Variants in ULK4 observed in about 807,000 individuals in gnomAD.
The protein encoded by ULK4 is inactive serine/threonine-protein kinase ULK4.
Under a neutral mutation model 160.6 loss-of-function variants are expected in ULK4, and 133 were observed. The observed-to-expected ratio is 0.83, with a 90% CI of 0.72 to 0.96. The LOEUF is 0.96. Ranked by LOEUF, ULK4 falls within the 40% of genes least tolerant of loss-of-function variation. The pLI is 0.00. For missense variants in ULK4, 1,580 were observed against 1,499.5 expected (o/e 1.05, Z -0.89); for synonymous variants, 534 against 539.8 (o/e 0.99, Z 0.15).
At chr3:41,473,261 A>G (rs2084040271) in intron 32 of ULK4, among the ~76,000 whole-genome samples, 1 of 152,204 alleles carries the variant, frequency 6.6e-6, no homozygotes, top group Non-Finnish European at 1.5e-5. Flanking sequence ...CAAGAGAAAA[A>G]AAGAAAAGGC....
intron 7 of ULK4, among the ~76,000 whole-genome samples, chr3:41,918,141 G>T (rs1397375734): frequency 6.6e-6 from 1 of 152,164 alleles, no homozygotes; most frequent in Non-Finnish European, 1.5e-5. Flanking sequence ...CGACTACAAA[G>T]TAAGTAAATG....
In ULK4 at chr3:41,441,717, A is replaced by G. The variant is rs113977008; in HGVS notation, c.3492+13780T>C. 6.4e-3 allele frequency among the ~76,000 whole-genome samples: 975 copies of G among 152,164 alleles called. 12 individuals carry two copies. The highest frequency in any genetic ancestry group is 0.022 in the African/African-American group (932 of 41,532). On this transcript the variant is annotated intron_variant, in intron 34 of 36. Coordinates refer to ENST00000301831, the MANE Select transcript of ULK4 (RefSeq NM_017886.4). The stretch of plus-strand genomic sequence containing the variant: ...TGGCAATCAGGTAAAGTTAGGTGGT[A>G]GTGTTGCTCAAGGCTACCATTCCCT...
chr3:41,485,178 T>C (rs575472800), intron 32 of ULK4, among the ~76,000 whole-genome samples: 4 of 152,320 alleles, frequency 2.6e-5, no homozygotes, highest in Admixed American at 1.3e-4. Flanking sequence ...TGTGGCTCCA[T>C]GGTCTGTGCT....
intron 35 of ULK4, among the ~76,000 whole-genome samples, chr3:41,279,601 A>G (rs1456514828): frequency 6.6e-6 from 1 of 152,238 alleles, no homozygotes; most frequent in Non-Finnish European, 1.5e-5. Flanking sequence ...TCAGACTAGT[A>G]GCAGATTTCT....
chr3:41,464,811 A>T (rs1389281391), intron 32 of ULK4, among the ~76,000 whole-genome samples: 1 of 152,200 alleles, frequency 6.6e-6, no homozygotes, highest in Non-Finnish European at 1.5e-5. Flanking sequence ...ATGGTTCTTT[A>T]GGAGGCAGAG....
chr3:41,916,061 GAATT>G lies in ULK4; in HGVS notation c.728-13_728-10del, dbSNP rs771992562. ...TTTAGGACGAGAAGAATCTATAAAT[GAATT>G]AATTTCCAAGAAAAAATGATAAGTA... is the stretch of plus-strand genomic sequence containing the variant. On this transcript the variant is annotated splice_polypyrimidine_tract_variant and intron_variant, in intron 7 of 36. Transcript: ENST00000301831. 1.3e-6 allele frequency: 2 copies of G among 1,544,954 alleles called. No individual in the cohort carries two copies. Among genetic ancestry groups the G allele is most frequent in the Non-Finnish European group, 1.7e-6 (2 of 1,146,378 alleles).
chr3:41,248,679 T>C (rs934344745), intron 36 of ULK4, among the ~76,000 whole-genome samples: 6 of 152,154 alleles, frequency 3.9e-5, no homozygotes, highest in African/African-American at 1.2e-4. Flanking sequence ...AAAAACAGAA[T>C]CTACCAGGAA....
intron 30 of ULK4, among the ~76,000 whole-genome samples, chr3:41,621,481 C>A (rs571673073): frequency 6.6e-6 from 1 of 152,174 alleles, no homozygotes. Context: ...ACCATCTGAT[C>A]TTCAACAAAC....
intron 30 of ULK4, among the ~76,000 whole-genome samples, chr3:41,644,277 C>A (rs2034374849): frequency 6.6e-6 from 1 of 151,778 alleles, no homozygotes; most frequent in African/African-American, 2.4e-5. Context: ...TGCCAGTTTT[C>A]AAAGGGAATG....
intron 17 of ULK4, among the ~76,000 whole-genome samples, chr3:41,843,405 G>A (rs77908937): frequency 5.3e-5 from 8 of 152,072 alleles, no homozygotes; most frequent in South Asian, 2.1e-4. Context: ...GCGGACCCTC[G>A]CGGTGAGTGT....
rs536118146 is a variant in ULK4 at position 41,722,249 on chromosome 3, C to T, written c.2322-4388G>A. On this transcript the variant is annotated intron_variant, in intron 22 of 36. Transcript: ENST00000301831. ...TAGAGAAGGCTAACACTCTGTTTTT[C>T]ATCCCACTCTCTGAATCATGAATCA... 2.0e-3 allele frequency among the ~76,000 whole-genome samples: 306 copies of T among 152,254 alleles called. 4 individuals are homozygous for T. Among genetic ancestry groups the T allele is most frequent in the African/African-American group, 6.8e-3 (283 of 41,554 alleles).
At chr3:41,806,282 G>A (rs867620685) in intron 19 of ULK4, among the ~76,000 whole-genome samples, 419 of 151,696 alleles carry the variant, frequency 2.8e-3, no homozygotes, top group African/African-American at 9.7e-3. Flanking sequence ...AGAGGTGTTT[G>A]TAGTATTCTC....
chr3:41,845,379 GA>G (rs1241384669), intron 17 of ULK4, among the ~76,000 whole-genome samples: 3 of 152,064 alleles, frequency 2.0e-5, no homozygotes, highest in African/African-American at 7.3e-5. Context: ...CAACCTAGAT[GA>G]ATTTCCAGAA....
intron 35 of ULK4, chr3:41,251,183 C>A (rs2078736546): frequency 6.6e-6 from 1 of 152,146 alleles, no homozygotes; most frequent in African/African-American, 2.4e-5. Flanking sequence ...AAGGAAGATG[C>A]CAAAATGGTA....
intron 35 of ULK4, among the ~76,000 whole-genome samples, chr3:41,298,842 G>A (rs2079724895): frequency 6.6e-6 from 1 of 152,204 alleles, no homozygotes; most frequent in Admixed American, 6.5e-5. Flanking sequence ...CAGCCCTGGG[G>A]TAAAGCATCA....
chr3:41,746,414 G>T (rs1428335266), intron 22 of ULK4, among the ~76,000 whole-genome samples: 2 of 150,338 alleles, frequency 1.3e-5, no homozygotes, highest in African/African-American at 4.9e-5. Context: ...ATTTACAATT[G>T]CTTCCCTCCA....
At chr3:41,840,283 A>C (rs2041871069) in intron 17 of ULK4, among the ~76,000 whole-genome samples, 1 of 152,174 alleles carries the variant, frequency 6.6e-6, no homozygotes, top group Non-Finnish European at 1.5e-5. Flanking sequence ...ATTTTAAAAA[A>C]AGAGTTAGCC....
chr3:41,286,425 A>T (rs1197466399), intron 35 of ULK4, among the ~76,000 whole-genome samples: 1 of 152,122 alleles, frequency 6.6e-6, no homozygotes, highest in Non-Finnish European at 1.5e-5. Context: ...CCTAAGACGG[A>T]TATGACAAGC....
chr3:41,506,777 T>TATATATAAAA (rs2085402725), intron 32 of ULK4, among the ~76,000 whole-genome samples: 1 of 17,426 alleles, frequency 5.7e-5, no homozygotes, highest in African/African-American at 1.3e-4. Context: ...AATATATATA[T>TATATATAAAA]ATATATATAT....
Sources: gnomAD v4.1 joint callset for allele counts (sites outside exome capture counted in the v4.1 genomes callset) on GRCh38, gnomAD v4.1.1 for gene constraint, MANE v1.5 for transcripts, NCBI Gene and HGNC (gene_info 2026-07-23, HGNC 2026-07-21) for gene names.